The following MGAT5 variants were observed in gnomAD, a reference collection of about 807,000 sequenced individuals.
MGAT5 encodes the protein alpha-1,6-mannosylglycoprotein 6-beta-N-acetylglucosaminyltransferase A.
Under a neutral mutation model 94.3 loss-of-function variants are expected in MGAT5, and 30 were observed. The ratio of observed to expected loss-of-function variants is 0.32; its 90% CI spans 0.24 to 0.43. The LOEUF (loss-of-function observed/expected upper bound fraction) is 0.43, where lower values mean the gene tolerates loss of function less well. Ranked by LOEUF, MGAT5 falls within the 20% of genes least tolerant of loss-of-function variation. The pLI is 1.00. For synonymous variants in MGAT5, 310 were observed against 322.9 expected (o/e 0.96, Z 0.43); for missense variants, 691 against 905.5 (o/e 0.76, Z 3.04).
chr2:134,396,505 A>G (rs998074215), intron 10 of MGAT5, among the ~76,000 whole-genome samples: 3 of 152,174 alleles, frequency 2.0e-5, no homozygotes, highest in Non-Finnish European at 2.9e-5. Flanking sequence ...TATAAAAAGG[A>G]GGATGAATCA....
intron 2 of MGAT5, among the ~76,000 whole-genome samples, chr2:134,312,098 A>G (rs1686709116): frequency 6.6e-6 from 1 of 152,170 alleles, no homozygotes; most frequent in Admixed American, 6.5e-5. Flanking sequence ...AAAAATGCAA[A>G]AACTAACCAG....
intron 1 of MGAT5, among the ~76,000 whole-genome samples, chr2:134,121,315 G>T (rs1396634525): frequency 6.6e-6 from 1 of 152,244 alleles, no homozygotes; most frequent in Non-Finnish European, 1.5e-5. Context: ...CCCGCTTGGT[G>T]CCCGGACCTG....
chr2:134,372,759 T>C (rs1374429869), intron 10 of MGAT5, among the ~76,000 whole-genome samples: 1 of 152,234 alleles, frequency 6.6e-6, no homozygotes, highest in Admixed American at 6.5e-5. Context: ...CACTAGCCAG[T>C]TGCTTATTGC....
chr2:134,201,640 C>T (rs1470493328), intron 1 of MGAT5, among the ~76,000 whole-genome samples: 1 of 152,064 alleles, frequency 6.6e-6, no homozygotes, highest in Non-Finnish European at 1.5e-5. Context: ...TTCGGGGCGA[C>T]CTGTGCTTGT....
chr2:134,381,536 C>CAGACAGACAGATAGATAGATAGAT lies in MGAT5; in HGVS notation c.1380+19131_1380+19132insCAGACAGATAGATAGATAGATAGA, dbSNP rs59821586. On this transcript the variant is annotated intron_variant, in intron 10 of 15. Coordinates refer to ENST00000281923, the MANE Select transcript of MGAT5 (RefSeq NM_002410.5). ...CCAGACAGACAGACAGACAGACAGACAGATAGATAGATAGATAGATAGCAC... is the reference window on the plus strand; with the variant it reads ...CCAGACAGACAGACAGACAGACAGACAGACAGACAGATAGATAGATAGATAGATAGATAGATAGATAGATAGCAC... Among the ~76,000 whole-genome samples, 384 of 146,958 alleles carry CAGACAGACAGATAGATAGATAGAT rather than the reference C, an allele frequency of 2.6e-3. 2 individuals carry two copies. The highest frequency in any genetic ancestry group is 7.0e-3 in the Middle Eastern group (2 of 284).
intron 2 of MGAT5, among the ~76,000 whole-genome samples, chr2:134,289,248 G>A (rs1685198213): frequency 6.6e-6 from 1 of 152,146 alleles, no homozygotes. Context: ...CCATGGACCT[G>A]TCTTGTTCCC....
intron 1 of MGAT5, among the ~76,000 whole-genome samples, chr2:134,203,685 G>A (rs1170851281): frequency 6.6e-6 from 1 of 151,720 alleles, no homozygotes; most frequent in Admixed American, 6.6e-5. Flanking sequence ...TGACTCTTGG[G>A]GGCCCAAGAC....
At chr2:134,306,409 C>G (rs1216897079) in intron 2 of MGAT5, among the ~76,000 whole-genome samples, 1 of 152,036 alleles carries the variant, frequency 6.6e-6, no homozygotes, top group Non-Finnish European at 1.5e-5. Flanking sequence ...TGAAAAAGAT[C>G]TAAAGCATTT....
chr2:134,325,641 A>G (rs2105929197), intron 4 of MGAT5, among the ~76,000 whole-genome samples: 1 of 152,250 alleles, frequency 6.6e-6, no homozygotes, highest in East Asian at 1.9e-4. Context: ...AATTAACATA[A>G]TTCCTTCACA....
intron 10 of MGAT5, among the ~76,000 whole-genome samples, chr2:134,372,547 C>T (rs1387548565): frequency 6.6e-6 from 1 of 152,178 alleles, no homozygotes; most frequent in Non-Finnish European, 1.5e-5. Context: ...AAGAAACAGT[C>T]CACCTTTAGG....
At chr2:134,264,979 G>A (rs771286978) in intron 1 of MGAT5, among the ~76,000 whole-genome samples, 1 of 152,186 alleles carries the variant, frequency 6.6e-6, no homozygotes, top group Non-Finnish European at 1.5e-5. Flanking sequence ...CATGGCGGCC[G>A]TACCTTCACA....
intron 11 of MGAT5, among the ~76,000 whole-genome samples, chr2:134,405,269 G>T (rs1683268526): frequency 6.6e-6 from 1 of 152,218 alleles, no homozygotes; most frequent in South Asian, 2.1e-4. Context: ...GAGCACGAGG[G>T]GTGTATGTTC....
At position 134,270,605 on chromosome 2, in the gene MGAT5, G is replaced by C. The variant is rs1237853711; in HGVS notation, c.406+55G>C. On this transcript the variant is annotated intron_variant, in intron 2 of 15. Transcript: ENST00000281923. The stretch of plus-strand genomic sequence containing the variant: ...GGAGTCACACCCTGCTTTGGACCAA[G>C]AAGAGAATAAAGGAGAGCAGTGGTT... 2.5e-6 allele frequency: 4 copies of C among 1,575,958 alleles called. No individual in the cohort carries two copies. The East Asian group carries it at 9.0e-5, about 35-fold the overall frequency.
chr2:134,341,050 C>T (rs1688596420), intron 6 of MGAT5, among the ~76,000 whole-genome samples: 2 of 151,680 alleles, frequency 1.3e-5, no homozygotes, highest in Admixed American at 6.6e-5. Context: ...GGATACATAC[C>T]GAAATATTTA....
chr2:134,260,555 G>A (rs1250945183), intron 1 of MGAT5, among the ~76,000 whole-genome samples: 6 of 152,108 alleles, frequency 3.9e-5, no homozygotes, highest in Non-Finnish European at 8.8e-5. Flanking sequence ...TGTGAAAAAG[G>A]AACAAAAACA....
intron 1 of MGAT5, among the ~76,000 whole-genome samples, chr2:134,181,396 G>A (rs1431788627): frequency 6.6e-6 from 1 of 152,118 alleles, no homozygotes; most frequent in Non-Finnish European, 1.5e-5. Flanking sequence ...GCCTAAACTT[G>A]TTTTTCTTGT....
chr2:134,409,808 C>T (rs1254035324), intron 11 of MGAT5, among the ~76,000 whole-genome samples: 1 of 152,042 alleles, frequency 6.6e-6, no homozygotes, highest in Non-Finnish European at 1.5e-5. Context: ...TTTACTGGAC[C>T]CTTTGTGAAT....
intron 11 of MGAT5, among the ~76,000 whole-genome samples, chr2:134,405,515 G>A (rs973162659): frequency 6.6e-6 from 1 of 152,196 alleles, no homozygotes; most frequent in Non-Finnish European, 1.5e-5. Flanking sequence ...AGACCAGTCA[G>A]GCTTCGCATC....
intron 1 of MGAT5, among the ~76,000 whole-genome samples, chr2:134,232,906 G>A (rs763443355): frequency 6.6e-6 from 1 of 152,162 alleles, no homozygotes; most frequent in Non-Finnish European, 1.5e-5. Context: ...CTTGCAGAGT[G>A]AATTATATCC....
Sources: gnomAD v4.1 joint callset for allele counts (sites outside exome capture counted in the v4.1 genomes callset) on GRCh38, gnomAD v4.1.1 for gene constraint, MANE v1.5 for transcripts, NCBI Gene and HGNC (gene_info 2026-07-23, HGNC 2026-07-21) for gene names.